The following RIN2 variants were observed in gnomAD, a reference collection of about 807,000 sequenced individuals.
The protein encoded by RIN2 is Ras and Rab interactor 2.
In RIN2, 36 loss-of-function variants were observed where a neutral mutation model predicts 78.0. The ratio of observed to expected loss-of-function variants is 0.46; its 90% CI spans 0.35 to 0.61. The LOEUF (loss-of-function observed/expected upper bound fraction) is 0.61. Among genes scored for constraint, RIN2 ranks in the 20% least tolerant of loss-of-function variants. RIN2 has a pLI of 0.00. For missense variants in RIN2, 1,087 were observed against 1,159.7 expected (o/e 0.94, Z 0.91); for synonymous variants, 466 against 466.8 (o/e 1.00, Z 0.02).
At position 19,958,172 on chromosome 20, in the gene RIN2, C is replaced by T. The variant is rs115395726; in HGVS notation, c.351+1365C>T. Among the ~76,000 whole-genome samples, 108 of 152,334 alleles carry T rather than the reference C, an allele frequency of 7.1e-4. 1 individual carries two copies. The highest frequency in any genetic ancestry group is 3.4e-3 in the Middle Eastern group (1 of 294). On this transcript the variant is annotated intron_variant, in intron 5 of 12. Coordinates refer to ENST00000255006, the MANE Select transcript of RIN2 (RefSeq NM_018993.4). ...CAGGCAGAAACAGGTAGAACTAAGACGTCTGCTAGAACATGCTCAGGGGAA... is the reference window on the plus strand; with the variant it reads ...CAGGCAGAAACAGGTAGAACTAAGATGTCTGCTAGAACATGCTCAGGGGAA...
chr20:19,834,576 G>A (rs1351683280), intron 2 of RIN2, among the ~76,000 whole-genome samples: 2 of 152,134 alleles, frequency 1.3e-5, no homozygotes, highest in Non-Finnish European at 2.9e-5. Flanking sequence ...CAAGAATACT[G>A]GTGTGAAGGG....
At chr20:19,766,530 A>T (rs899473279) in intron 1 of RIN2, among the ~76,000 whole-genome samples, 1 of 152,158 alleles carries the variant, frequency 6.6e-6, no homozygotes, top group African/African-American at 2.4e-5. Flanking sequence ...GCATCAGAAA[A>T]GGATTCACAA....
intron 2 of RIN2, among the ~76,000 whole-genome samples, chr20:19,817,262 A>G (rs1296164694): frequency 6.6e-6 from 1 of 152,210 alleles, no homozygotes; most frequent in Non-Finnish European, 1.5e-5. Flanking sequence ...ACAGTTCCGG[A>G]GCCCGGAAAT....
At chr20:19,921,466 G>A (rs2039916226) in intron 3 of RIN2, among the ~76,000 whole-genome samples, 1 of 152,206 alleles carries the variant, frequency 6.6e-6, no homozygotes, top group Non-Finnish European at 1.5e-5. Context: ...AAGTCACCAA[G>A]AGGAAGGCGG....
chr20:19,899,867 C>G (rs2038902686), intron 3 of RIN2, among the ~76,000 whole-genome samples: 1 of 152,160 alleles, frequency 6.6e-6, no homozygotes. Flanking sequence ...GCCTCAGGAG[C>G]AATTACTCAA....
At chr20:19,955,684 C>T (rs1341124538) in intron 4 of RIN2, among the ~76,000 whole-genome samples, 4 of 152,234 alleles carry the variant, frequency 2.6e-5, no homozygotes, top group South Asian at 4.1e-4. Context: ...GGGTTGTTTC[C>T]GCTTGTTAGC....
intron 1 of RIN2, among the ~76,000 whole-genome samples, chr20:19,796,093 AAG>A (rs1491045266): frequency 1.8e-5 from 2 of 111,214 alleles, no homozygotes; most frequent in Non-Finnish European, 3.2e-5. Flanking sequence ...AAAGAAAAAA[AAG>A]AAAAGAAAAG....
At chr20:19,758,872 C>G (rs1381972195) in intron 1 of RIN2, among the ~76,000 whole-genome samples, 1 of 152,198 alleles carries the variant, frequency 6.6e-6, no homozygotes, top group African/African-American at 2.4e-5. Flanking sequence ...GGCAGATGCT[C>G]CGACCGGAGA....
chr20:19,852,458 T>C (rs1332433591), intron 2 of RIN2, among the ~76,000 whole-genome samples: 1 of 152,214 alleles, frequency 6.6e-6, no homozygotes, highest in African/African-American at 2.4e-5. Flanking sequence ...AGGAAATTAA[T>C]GTAGAACATC....
intron 3 of RIN2, among the ~76,000 whole-genome samples, chr20:19,920,603 G>A (rs2039875335): frequency 6.6e-6 from 1 of 152,216 alleles, no homozygotes; most frequent in Non-Finnish European, 1.5e-5. Flanking sequence ...CTTTCTCTGT[G>A]AGCATGCGCC....
Position 19,789,293 on chromosome 20 carries a change from A to C in RIN2, c.-162-10329A>C, listed in dbSNP as rs1405288656. 3.3e-5 allele frequency among the ~76,000 whole-genome samples: 5 copies of C among 152,258 alleles called. 1 individual carries two copies. The highest frequency in any genetic ancestry group is 2.6e-4 in the Admixed American group (4 of 15,286). ...ATGATGGATCATAGGCTTAAATGTTAAAACTAAAACAATTAACCTTCTAGA... is the reference window on the plus strand; with the variant it reads ...ATGATGGATCATAGGCTTAAATGTTCAAACTAAAACAATTAACCTTCTAGA... On this transcript the variant is annotated intron_variant, in intron 1 of 12. Transcript: ENST00000255006.
chr20:19,861,151 C>T (rs753719222), intron 2 of RIN2, among the ~76,000 whole-genome samples: 9 of 152,246 alleles, frequency 5.9e-5, no homozygotes, highest in East Asian at 1.9e-4. Flanking sequence ...GATCAGTCTC[C>T]GGGCAGATGT....
rs2039330298 is a variant in RIN2 at position 19,908,659 on chromosome 20, T to C, written c.57+19001T>C. 2.0e-5 allele frequency among the ~76,000 whole-genome samples: 3 copies of C among 152,200 alleles called. No individual in the cohort carries two copies. In the South Asian group the frequency reaches 6.2e-4, roughly 31 times the overall value. ...CCCCAAAACATCATCATTTATTTAC[T>C]AAGACTTCGAGTTTCAAAGTTCAAA... On this transcript the variant is annotated intron_variant, in intron 3 of 12. Coordinates refer to ENST00000255006, the MANE Select transcript of RIN2 (RefSeq NM_018993.4).
At chr20:19,851,924 G>A (rs1384357719) in intron 2 of RIN2, among the ~76,000 whole-genome samples, 1 of 152,132 alleles carries the variant, frequency 6.6e-6, no homozygotes, top group Non-Finnish European at 1.5e-5. Context: ...CTGAAGTCCA[G>A]CTGATCTAGG....
At chr20:19,767,759 T>C (rs2033948830) in intron 1 of RIN2, among the ~76,000 whole-genome samples, 1 of 151,796 alleles carries the variant, frequency 6.6e-6, no homozygotes, top group South Asian at 2.1e-4. Context: ...ACCCTGTCTC[T>C]ACTAAAAATA....
chr20:19,947,271 C>T (rs952991093), intron 4 of RIN2, among the ~76,000 whole-genome samples: 7 of 152,252 alleles, frequency 4.6e-5, no homozygotes, highest in African/African-American at 1.7e-4. Context: ...GAAGCTGAGG[C>T]TGAGGCAGGA....
intron 10 of RIN2, among the ~76,000 whole-genome samples, chr20:19,990,662 C>T (rs116296877): frequency 1.2e-4 from 18 of 152,062 alleles, no homozygotes; most frequent in Admixed American, 2.0e-4. Flanking sequence ...CAACCTTGCA[C>T]GCTGTAGTTT....
intron 1 of RIN2, among the ~76,000 whole-genome samples, chr20:19,781,643 G>C (rs889843930): frequency 1.3e-5 from 2 of 152,306 alleles, no homozygotes; most frequent in South Asian, 2.1e-4. Context: ...GGCCAGGCTG[G>C]TCTCAAACTC....
chr20:19,784,246 T>C (rs1179314671), intron 1 of RIN2, among the ~76,000 whole-genome samples: 1 of 152,212 alleles, frequency 6.6e-6, no homozygotes, highest in Non-Finnish European at 1.5e-5. Context: ...TTGCTTGTTT[T>C]GGTGATGGCT....
Sources: gnomAD v4.1 joint callset for allele counts (sites outside exome capture counted in the v4.1 genomes callset) on GRCh38, gnomAD v4.1.1 for gene constraint, MANE v1.5 for transcripts, NCBI Gene and HGNC (gene_info 2026-07-23, HGNC 2026-07-21) for gene names.